RUSC2: variants seen among roughly 807,000 people sequenced by gnomAD.
RUSC2 encodes the protein RUN and SH3 domain containing 2.
Under a neutral mutation model 122.2 loss-of-function variants are expected in RUSC2, and 34 were observed. That is an observed-to-expected ratio of 0.28 (90% CI 0.21 to 0.37). The LOEUF (loss-of-function observed/expected upper bound fraction) is 0.37. Among genes scored for constraint, RUSC2 ranks in the 10% least tolerant of loss-of-function variants. The pLI, the probability that RUSC2 is intolerant of heterozygous loss-of-function variation, is 1.00. For synonymous variants in RUSC2, 784 were observed against 790.0 expected, an observed-to-expected ratio of 0.99 and a Z score of 0.13; for missense variants, 1,747 against 1,952.4, an observed-to-expected ratio of 0.89 and a Z score of 1.98.
chr9:35,523,365 G>T (rs764760672), intron 1 of RUSC2, among the ~76,000 whole-genome samples: 1 of 152,178 alleles, frequency 6.6e-6, no homozygotes, highest in African/African-American at 2.4e-5. Flanking sequence ...AATGTACCTT[G>T]ATTACGTAAG....
At position 35,560,968 on chromosome 9, in the gene RUSC2, C is replaced by T. The variant is rs764733534; in HGVS notation, c.4220C>T (p.Ser1407Leu). The T allele has an allele frequency of 2.2e-5, 36 of 1,613,904 alleles. No homozygotes were observed. Among genetic ancestry groups the T allele is most frequent in the East Asian group, 4.5e-5 (2 of 44,874 alleles). The change falls in exon 11 of 12, where the codon TCG becomes TTG. Residue 1407 changes from serine to leucine, a missense_variant. By Grantham distance (145) the Ser-to-Leu change is moderately radical (BLOSUM62 -2). Transcript: ENST00000361226. ...REARPTNRLP[S>L]DWLSLDKSMF... ...CCAGCTGCTGTCCCTAGGCTCCCCTCGGACTGGCTGAGCCTGGACAAGTCC... is the reference window on the plus strand; with the variant it reads ...CCAGCTGCTGTCCCTAGGCTCCCCTTGGACTGGCTGAGCCTGGACAAGTCC...
chr9:35,548,423 C>A lies in RUSC2; in HGVS notation c.1902C>A (p.Gly634=), dbSNP rs1355475658. Residue 634 remains glycine, a synonymous_variant, in exon 2 of 12, where the codon GGC becomes GGA. Coordinates refer to ENST00000361226, the MANE Select transcript of RUSC2 (RefSeq NM_014806.5). This position sits in a 1 kb window ranked among gnomAD's most constrained non-coding sequence, Gnocchi z 4.5. The part of the protein sequence containing the change: ...GPHSSEMPPA[G]LRATGQGPLA... ...ACTCCAGTGAGATGCCTCCTGCTGG[C>A]CTCAGAGCTACTGGGCAAGGCCCCC... 1.2e-6 allele frequency: 2 copies of A among 1,614,030 alleles called. No individual in the cohort carries two copies. Among genetic ancestry groups the A allele is most frequent in the Admixed American group, 3.3e-5 (2 of 60,034 alleles).
chr9:35,539,321 C>T (rs1459070332), intron 1 of RUSC2, among the ~76,000 whole-genome samples: 1 of 152,090 alleles, frequency 6.6e-6, no homozygotes, highest in African/African-American at 2.4e-5. Flanking sequence ...GGGGAAAAGC[C>T]AAGGCTTGGG....
chr9:35,541,975 A>T (rs992389171), intron 1 of RUSC2, among the ~76,000 whole-genome samples: 2 of 151,354 alleles, frequency 1.3e-5, no homozygotes, highest in Non-Finnish European at 2.9e-5. Context: ...CCTTATTTTT[A>T]AAAATGAAGA....
intron 1 of RUSC2, among the ~76,000 whole-genome samples, chr9:35,497,149 C>T (rs1011716867): frequency 6.6e-6 from 1 of 152,140 alleles, no homozygotes; most frequent in Non-Finnish European, 1.5e-5. Context: ...ATGACAGGTT[C>T]GGTGTAGACT....
intron 1 of RUSC2, among the ~76,000 whole-genome samples, chr9:35,510,251 C>T (rs1820988811): frequency 6.6e-6 from 1 of 152,166 alleles, no homozygotes; most frequent in African/African-American, 2.4e-5. Context: ...GTGGCTCACA[C>T]CTGTAATTCC....
In RUSC2 at chr9:35,506,030, A is replaced by G. The variant is rs116970171; in HGVS notation, c.-93+15858A>G. Among the ~76,000 whole-genome samples the G allele has an allele frequency of 3.9e-3, 589 of 152,330 alleles. 3 individuals are homozygous for G. The highest frequency in any genetic ancestry group is 8.3e-3 in the South Asian group (40 of 4,826). On this transcript the variant is annotated intron_variant, in intron 1 of 11. Transcript: ENST00000361226. Reference sequence around the variant, plus strand: ...AAAAATAAAAGGTATCCAGATTGGAAAGGAAGAAATATAACTATTGCTATA... The same window carrying G: ...AAAAATAAAAGGTATCCAGATTGGAGAGGAAGAAATATAACTATTGCTATA...
rs774016552 is a variant in RUSC2, at chr9:35,556,007, A to G, written c.2712A>G (p.Pro904=). ...GGCGGGAATACAGGAGGAAGAACCC[A>G]CTAGGGCCACCTGGTTTGTCAGGGA... is the stretch of plus-strand genomic sequence containing the variant. ...LKWREYRRKN[P]LGPPGLSGSL... The change falls in exon 4 of 12, where the codon CCA becomes CCG. Residue 904 remains proline, a synonymous_variant. Coordinates refer to ENST00000361226, the MANE Select transcript of RUSC2 (RefSeq NM_014806.5). 2 of 1,614,188 alleles carry G rather than the reference A, an allele frequency of 1.2e-6. No homozygotes were observed. The highest frequency in any genetic ancestry group is 2.2e-5 in the East Asian group (1 of 44,888).
intron 2 of RUSC2, among the ~76,000 whole-genome samples, chr9:35,553,888 C>T (rs1391968912): frequency 6.6e-6 from 1 of 152,172 alleles, no homozygotes; most frequent in African/African-American, 2.4e-5. Context: ...AAAACCTGGC[C>T]TGATACAATT....
In RUSC2 at chr9:35,555,216, G is replaced by A. The variant is rs143042316; in HGVS notation, c.2171G>A (p.Gly724Asp). ...HSLSQLYSLSGCSRTQQPAPL... is the reference protein window; with the variant it reads ...HSLSQLYSLSDCSRTQQPAPL... Reference sequence around the variant, plus strand: ...CTTTCCCAGCTCTACAGCCTCTCAGGCTGCAGCCGTACACAGCAGCCTGCC... The same window carrying A: ...CTTTCCCAGCTCTACAGCCTCTCAGACTGCAGCCGTACACAGCAGCCTGCC... The change falls in exon 3 of 12, where the codon GGC (glycine) becomes GAC (aspartate). Residue 724 changes from glycine to aspartate, a missense_variant. By Grantham distance (94) the Gly-to-Asp change is moderately conservative. Coordinates refer to ENST00000361226, the MANE Select transcript of RUSC2 (RefSeq NM_014806.5). The surrounding 1 kb of genome is among the most constrained non-coding windows in gnomAD (Gnocchi z 4.6). The A allele has an allele frequency of 2.2e-5, 35 of 1,613,042 alleles. No individual in the cohort carries two copies. In the African/African-American group the frequency reaches 4.5e-4, roughly 21 times the overall value.
chr9:35,491,804 C>T (rs2132479983), intron 1 of RUSC2, among the ~76,000 whole-genome samples: 3 of 152,210 alleles, frequency 2.0e-5, no homozygotes, highest in Admixed American at 2.0e-4. Flanking sequence ...ACAAAAATTA[C>T]CGGGCATGGT....
At chr9:35,560,889 G>C in intron 10 of RUSC2, 38 bp downstream of exon 10, 1 of 1,578,192 alleles carries the variant, frequency 6.3e-7, no homozygotes, top group Non-Finnish European at 8.6e-7. Context: ...AGGGAGTAGG[G>C]AGCCTGCTGT....
At chr9:35,534,504 C>T (rs1821485700) in intron 1 of RUSC2, among the ~76,000 whole-genome samples, 1 of 151,676 alleles carries the variant, frequency 6.6e-6, no homozygotes, top group Non-Finnish European at 1.5e-5. Context: ...TTTTTTGAGA[C>T]AGGTTCTCAC....
Position 35,508,914 on chromosome 9 carries a change from T to A in RUSC2, c.-93+18742T>A, listed in dbSNP as rs113671254. Reference sequence around the variant, plus strand: ...AATATGAGTCTACAAATTGAAAGAGTCCACTCAGCACCCAGCATAACAAAT... The same window carrying A: ...AATATGAGTCTACAAATTGAAAGAGACCACTCAGCACCCAGCATAACAAAT... On this transcript the variant is annotated intron_variant, in intron 1 of 11. Transcript: ENST00000361226. 5.8e-3 allele frequency among the ~76,000 whole-genome samples: 884 copies of A among 151,894 alleles called. 15 individuals carry two copies. Among genetic ancestry groups the A allele is most frequent in the African/African-American group, 0.021 (850 of 41,390 alleles).
intron 1 of RUSC2, among the ~76,000 whole-genome samples, chr9:35,502,379 A>C (rs535366570): frequency 4.5e-4 from 68 of 152,286 alleles, no homozygotes; most frequent in African/African-American, 1.6e-3. Flanking sequence ...ATATATCACC[A>C]TGGGTTTTCT....
Position 35,555,683 on chromosome 9 carries a change from G to A in RUSC2, c.2638G>A (p.Ala880Thr). 1 of 1,591,950 alleles carries A rather than the reference G, an allele frequency of 6.3e-7. No homozygotes were observed. Among genetic ancestry groups the A allele is most frequent in the South Asian group, 1.1e-5 (1 of 89,960 alleles). ...LARGGGEGSM[A>T]TRPSNANHLS... Reference sequence around the variant, plus strand: ...CCGGGGAGGTGGTGAGGGCAGCATGGCCACCAGGCCCAGTAATGGTACGAG... The same window carrying A: ...CCGGGGAGGTGGTGAGGGCAGCATGACCACCAGGCCCAGTAATGGTACGAG... Residue 880 changes from alanine (A) to threonine (T), a missense_variant, in exon 3 of 12, where the codon GCC (alanine) becomes ACC (threonine). Coordinates refer to ENST00000361226, the MANE Select transcript of RUSC2 (RefSeq NM_014806.5). This position sits in a 1 kb window ranked among gnomAD's most constrained non-coding sequence, Gnocchi z 4.6.
chr9:35,520,930 T>C (rs1322125), intron 1 of RUSC2, among the ~76,000 whole-genome samples: 5,299 of 152,164 alleles, frequency 0.035, 285 homozygotes, highest in African/African-American at 0.12. Flanking sequence ...AAGAACTCGG[T>C]CTGTCAAGGT....
At position 35,548,626 on chromosome 9, in the gene RUSC2, A is replaced by T; in HGVS notation, c.2014+91A>T. The T allele has an allele frequency of 6.9e-7, 1 of 1,453,782 alleles. No homozygotes were observed. Among genetic ancestry groups the T allele is most frequent in the Non-Finnish European group, 9.0e-7 (1 of 1,108,668 alleles). The allele number at this position is 1,453,782 out of a possible 1,614,324, so 90.1% of individuals were successfully genotyped here. On this transcript the variant is annotated intron_variant, in intron 2 of 11. Coordinates refer to ENST00000361226, the MANE Select transcript of RUSC2 (RefSeq NM_014806.5). The surrounding 1 kb of genome is among the most constrained non-coding windows in gnomAD (Gnocchi z 4.5). ...TGACAGGTCCCTGCCAGACCACCCC[A>T]TCCATACCACTAGAGGTTCCACATC...
At chr9:35,501,001 G>A (rs1820809431) in intron 1 of RUSC2, among the ~76,000 whole-genome samples, 1 of 152,192 alleles carries the variant, frequency 6.6e-6, no homozygotes, top group Non-Finnish European at 1.5e-5. Context: ...CTAACAAGGA[G>A]CATTTATCTT....
Sources: gnomAD v4.1 joint callset for allele counts (sites outside exome capture counted in the v4.1 genomes callset) on GRCh38, gnomAD v4.1.1 for gene constraint, Gnocchi (gnomAD v3.1) non-coding constraint, MANE v1.5 for transcripts, NCBI Gene and HGNC (gene_info 2026-07-23, HGNC 2026-07-21) for gene names.